KMT2A: variants seen among roughly 807,000 people sequenced by gnomAD.
KMT2A encodes lysine methyltransferase 2A, also known as histone-lysine N-methyltransferase 2A.
In KMT2A, 16 loss-of-function variants were observed where a neutral mutation model predicts 345.3. The ratio of observed to expected loss-of-function variants is 0.05; its 90% CI spans 0.03 to 0.07. The LOEUF (loss-of-function observed/expected upper bound fraction) is 0.07. KMT2A is among the 10% of genes least tolerant of loss of function. The probability of loss-of-function intolerance (pLI) is 1.00; values close to 1 mark genes in which losing one functional copy is unlikely to be tolerated. For synonymous variants in KMT2A, 1,599 were observed against 1,778.6 expected (o/e 0.90, Z 2.54); for missense variants, 3,272 against 4,841.6 (o/e 0.68, Z 9.62).
At chr11:118,492,495 C>T (rs1250747982) in intron 15 of KMT2A, among the ~76,000 whole-genome samples, 2 of 152,136 alleles carry the variant, frequency 1.3e-5, no homozygotes, top group African/African-American at 4.8e-5. Context: ...CTGGCTAACA[C>T]GGTGAAACCC....
At chr11:118,492,621 G>A (rs1950343421) in intron 15 of KMT2A, among the ~76,000 whole-genome samples, 1 of 152,238 alleles carries the variant, frequency 6.6e-6, no homozygotes, top group Non-Finnish European at 1.5e-5. Flanking sequence ...GGAGCTTGCA[G>A]TAAGCCGAGA....
rs1555044515 is a variant in KMT2A at position 118,498,026 on chromosome 11, G to A, written c.5755G>A (p.Gly1919Arg). 2 of 1,614,006 alleles carry A rather than the reference G, an allele frequency of 1.2e-6. No individual in the cohort carries two copies. The highest frequency in any genetic ancestry group is 1.3e-5 in the African/African-American group (1 of 74,998). Residue 1919 changes from glycine to arginine, a missense_variant, in exon 21 of 36, where the codon GGA becomes AGA. Gly to Arg is a moderately radical substitution (Grantham distance 125). This residue lies in a region of KMT2A where 235 missense variants were observed against 503.4 expected (regional missense o/e 0.47). Coordinates refer to ENST00000534358, the MANE Select transcript of KMT2A (RefSeq NM_001197104.2). The surrounding 1 kb of genome is among the most constrained non-coding windows in gnomAD (Gnocchi z 4.4). ...WSAEVFEDDD[G>R]SLKNVHMAVI... ...AGCGGAAGTGTTTGAAGATGATGAC[G>A]GATCACTAAAGAATGTGCATATGGC...
chr11:118,462,355 C>T (rs1373366036), intron 1 of KMT2A, among the ~76,000 whole-genome samples: 1 of 151,760 alleles, frequency 6.6e-6, no homozygotes, highest in African/African-American at 2.4e-5. Flanking sequence ...TTTTAGGGCT[C>T]TTACATAGGC....
rs1228961170 is a variant in KMT2A at position 118,495,170 on chromosome 11, T to A, written c.5363+403T>A. On this transcript the variant is annotated intron_variant, in intron 18 of 35. Transcript: ENST00000534358. The surrounding 1 kb of genome is among the most constrained non-coding windows in gnomAD (Gnocchi z 4.1). Reference sequence around the variant, plus strand: ...TGATTTTATTTATTTATTTATTTTTTTTTTTTTGAGACGGAGTCTCGTTCT... The same window carrying A: ...TGATTTTATTTATTTATTTATTTTTATTTTTTTGAGACGGAGTCTCGTTCT... Among the ~76,000 whole-genome samples the A allele has an allele frequency of 6.6e-6, 1 of 151,642 alleles. No homozygotes were observed. The highest frequency in any genetic ancestry group is 1.5e-5 in the Non-Finnish European group (1 of 67,898).
At chr11:118,456,641 C>G (rs1277650826) in intron 1 of KMT2A, among the ~76,000 whole-genome samples, 1 of 152,124 alleles carries the variant, frequency 6.6e-6, no homozygotes, top group Non-Finnish European at 1.5e-5. Flanking sequence ...CCTGGCATGC[C>G]TATATATTTC....
At chr11:118,465,069 T>C (rs937989453) in intron 1 of KMT2A, among the ~76,000 whole-genome samples, 22 of 152,232 alleles carry the variant, frequency 1.4e-4, no homozygotes, top group Non-Finnish European at 1.5e-4. Context: ...TTAAGTATGC[T>C]GATTTGTCTC....
rs782343724 is a variant in KMT2A at position 118,503,597 on chromosome 11, G to C, written c.7705G>C (p.Gly2569Arg). 3.7e-6 allele frequency: 6 copies of C among 1,614,052 alleles called. No homozygotes were observed. The highest frequency in any genetic ancestry group is 5.1e-6 in the Non-Finnish European group (6 of 1,180,034). The change falls in exon 27 of 36, where the codon GGA (glycine) becomes CGA (arginine). Residue 2569 changes from glycine (G) to arginine (R), a missense_variant. Gly to Arg is a moderately radical substitution (Grantham distance 125, BLOSUM62 -2). Coordinates refer to ENST00000534358, the MANE Select transcript of KMT2A (RefSeq NM_001197104.2). The surrounding 1 kb of genome is among the most constrained non-coding windows in gnomAD (Gnocchi z 5.3). The stretch of plus-strand genomic sequence containing the variant: ...ACCAATTTCAGCCTCTGAAAATCCA[G>C]GAGATGGTCCAGTGGCCCAACCAAG... ...TEPISASENPGDGPVAQPSPN... is the reference protein window; with the variant it reads ...TEPISASENPRDGPVAQPSPN...
At position 118,526,727 on chromosome 11, in the gene KMT2A, T is replaced by C. The variant is rs1951090481; in HGVS notation, c.*4555T>C. The C allele has an allele frequency of 4.3e-6, 1 of 230,706 alleles. No homozygotes were observed. The allele number at this position is 230,706 out of a possible 1,614,324, so 14.3% of individuals were successfully genotyped here. A position where few individuals can be genotyped will look rare whatever the true frequency, so the allele number is the denominator to read the frequency against. On this transcript the variant is annotated 3_prime_UTR_variant, in exon 36 of 36. Coordinates refer to ENST00000534358, the MANE Select transcript of KMT2A (RefSeq NM_001197104.2). Reference sequence around the variant, plus strand: ...AGACTGAATGTAAAAGTAAAAAGTGTACATAGTTGTAAAAAAAAGGAGTTT... The same window carrying C: ...AGACTGAATGTAAAAGTAAAAAGTGCACATAGTTGTAAAAAAAAGGAGTTT...
At chr11:118,516,865 G>A (rs1044293226) in intron 31 of KMT2A, among the ~76,000 whole-genome samples, 6 of 152,086 alleles carry the variant, frequency 3.9e-5, no homozygotes, top group East Asian at 1.9e-4. Flanking sequence ...AAGAACAGAC[G>A]GGGGCCCACA....
chr11:118,468,651 A>C (rs1490127322), intron 1 of KMT2A, 124 bp from the exon 2 acceptor site: 5 of 703,522 alleles, frequency 7.1e-6, no homozygotes, highest in Non-Finnish European at 1.0e-5. Flanking sequence ...CATTGGAATG[A>C]TGATAATTAA....
intron 30 of KMT2A, among the ~76,000 whole-genome samples, chr11:118,511,313 CAAAG>C (rs1179723807): frequency 2.0e-5 from 3 of 151,944 alleles, no homozygotes; most frequent in Non-Finnish European, 4.4e-5. Context: ...AGGGGAGAGT[CAAAG>C]ATGACCCTAA....
At chr11:118,492,318 T>C (rs1172795876) in intron 15 of KMT2A, among the ~76,000 whole-genome samples, 1 of 152,206 alleles carries the variant, frequency 6.6e-6, no homozygotes, top group African/African-American at 2.4e-5. Flanking sequence ...GTTATAGTAA[T>C]CAACTGGAAA....
intron 7 of KMT2A, 60 bp downstream of exon 7, chr11:118,482,152 T>C (rs889618275): frequency 1.3e-5 from 20 of 1,512,156 alleles, no homozygotes; most frequent in Non-Finnish European, 1.8e-5. Flanking sequence ...AAAGCACTGA[T>C]GTCTCAAACA....
chr11:118,476,133 G>A lies in KMT2A; in HGVS notation c.3157-672G>A, dbSNP rs1460983093. Among the ~76,000 whole-genome samples, 2 of 151,996 alleles carry A rather than the reference G, an allele frequency of 1.3e-5. No individual in the cohort carries two copies. The highest frequency in any genetic ancestry group is 2.1e-4 in the South Asian group (1 of 4,822). ...TTGGTCAGGCTGGTCTCAAACTCCC[G>A]ACCTCAGGTGATCTACCCGCCTCGG... On this transcript the variant is annotated intron_variant, in intron 3 of 35. Transcript: ENST00000534358. The surrounding 1 kb of genome is among the most constrained non-coding windows in gnomAD (Gnocchi z 4.1).
At chr11:118,515,412 C>T (rs1448016642) in intron 31 of KMT2A, among the ~76,000 whole-genome samples, 1 of 152,202 alleles carries the variant, frequency 6.6e-6, no homozygotes, top group Non-Finnish European at 1.5e-5. Flanking sequence ...AATTTATCAT[C>T]TTATATAACA....
intron 31 of KMT2A, among the ~76,000 whole-genome samples, chr11:118,516,325 C>T (rs1950813002): frequency 6.6e-6 from 1 of 151,992 alleles, no homozygotes; most frequent in Non-Finnish European, 1.5e-5. Context: ...GAGAAGAAGC[C>T]AATCATGCAT....
intron 1 of KMT2A, among the ~76,000 whole-genome samples, chr11:118,458,906 C>T (rs1555031689): frequency 6.6e-6 from 1 of 152,168 alleles, no homozygotes. Flanking sequence ...GTGGCCTCCT[C>T]ATTTGATGGA....
chr11:118,465,228 C>T (rs1555033853), intron 1 of KMT2A, among the ~76,000 whole-genome samples: 1 of 152,044 alleles, frequency 6.6e-6, no homozygotes, highest in Non-Finnish European at 1.5e-5. Flanking sequence ...CAGAGTGAAA[C>T]TCTTATCTTA....
In KMT2A at chr11:118,473,611, A is replaced by G; in HGVS notation, c.2452A>G (p.Lys818Glu). 2 of 1,614,080 alleles carry G rather than the reference A, an allele frequency of 1.2e-6. No homozygotes were observed. Residue 818 changes from lysine (K) to glutamate (E), a missense_variant, in exon 3 of 36, where the codon AAG becomes GAG. Around this residue, in one of 27 missense-constraint regions of KMT2A, gnomAD observed 209 missense variants for 237.4 expected, o/e 0.88. Coordinates refer to ENST00000534358, the MANE Select transcript of KMT2A (RefSeq NM_001197104.2). This position sits in a 1 kb window ranked among gnomAD's most constrained non-coding sequence, Gnocchi z 5.2. ...ESAEKNQRPR[K>E]QTSAPAEPFS... ...TGCAGAGAAAAATCAGAGACCAAGG[A>G]AGCAGACTAGTGCTCCGGCAGAGCC...
Sources: gnomAD v4.1 joint callset for allele counts (sites outside exome capture counted in the v4.1 genomes callset) on GRCh38, gnomAD v4.1.1 for gene constraint, gnomAD v4.1.1 regional missense constraint, Gnocchi (gnomAD v3.1) non-coding constraint, MANE v1.5 for transcripts, NCBI Gene and HGNC (gene_info 2026-07-23, HGNC 2026-07-21) for gene names.